The following AMZ1 variants were observed in gnomAD, a reference collection of about 807,000 sequenced individuals.
AMZ1 encodes the protein archaemetzincin-1.
Under a neutral mutation model 29.9 loss-of-function variants are expected in AMZ1, and 39 were observed. That is an observed-to-expected ratio of 1.30 (90% CI 1.01 to 1.70). The LOEUF (loss-of-function observed/expected upper bound fraction) is 1.70. Among genes scored for constraint, AMZ1 ranks in the 40% most tolerant of loss-of-function variants. The pLI, the probability that AMZ1 is intolerant of heterozygous loss-of-function variation, is 0.00. For synonymous variants in AMZ1, 458 were observed against 304.0 expected (o/e 1.51, Z -5.27); for missense variants, 1,041 against 680.6 (o/e 1.53, Z -5.89).
At chr7:2,711,198 C>T (rs1405341835) in intron 6 of AMZ1, among the ~76,000 whole-genome samples, 1 of 152,168 alleles carries the variant, frequency 6.6e-6, no homozygotes, top group Non-Finnish European at 1.5e-5. Context: ...CCAGGGTGGC[C>T]TGGCCCTCCT....
intron 4 of AMZ1, among the ~76,000 whole-genome samples, chr7:2,757,031 G>A (rs1359983550): frequency 2.0e-5 from 3 of 152,032 alleles, no homozygotes; most frequent in Non-Finnish European, 2.9e-5. Flanking sequence ...CCGTGATTGT[G>A]CCAGTGGCAC....
chr7:2,731,622 G>A lies in AMZ1; in HGVS notation n.550+21806G>A. 1 of 1,613,922 alleles carries A rather than the reference G, an allele frequency of 6.2e-7. No homozygotes were observed. Among genetic ancestry groups the A allele is most frequent in the Non-Finnish European group, 8.5e-7 (1 of 1,179,964 alleles). ...CGTCGAAGCACTGGAACCACTTCTGGCGCTGGGACCGCTGGCCGCCCACAT... is the reference window on the plus strand; with the variant it reads ...CGTCGAAGCACTGGAACCACTTCTGACGCTGGGACCGCTGGCCGCCCACAT... On this transcript the variant is annotated intron_variant and non_coding_transcript_variant, in intron 4 of 4. Coordinates refer to the AMZ1 transcript ENST00000489665. The surrounding 1 kb of genome is among the most constrained non-coding windows in gnomAD (Gnocchi z 6.0).
rs535919783 is a variant in AMZ1, at chr7:2,717,719, G to T, written c.*4841G>T. ...ACAGATGCAGATCGCGGGTGGAGAC[G>T]GCCGGCCGAGCCTTCCCTTTTCTGA... is the stretch of plus-strand genomic sequence containing the variant. On this transcript the variant is annotated 3_prime_UTR_variant, in exon 7 of 7. Coordinates refer to ENST00000683327, the MANE Select transcript of AMZ1 (RefSeq NM_001384743.1). Among the ~76,000 whole-genome samples, 1 of 152,266 alleles carries T rather than the reference G, an allele frequency of 6.6e-6. No homozygotes were observed. Among genetic ancestry groups the T allele is most frequent in the African/African-American group, 2.4e-5 (1 of 41,548 alleles).
At chr7:2,736,504 C>G (rs1164055900) in intron 4 of AMZ1, among the ~76,000 whole-genome samples, 2 of 152,168 alleles carry the variant, frequency 1.3e-5, no homozygotes, top group Admixed American at 6.5e-5. Context: ...AGGGATGAAC[C>G]TGAGCAGGGG....
At chr7:2,724,359 G>T (rs940543907), downstream of AMZ1, among the ~76,000 whole-genome samples, 13 of 152,254 alleles carry the variant, frequency 8.5e-5, no homozygotes, top group African/African-American at 2.4e-4. Flanking sequence ...AATAGGTGGG[G>T]TTACGTTCAT....
downstream of AMZ1, among the ~76,000 whole-genome samples, chr7:2,721,764 C>T (rs1014404922): frequency 2.0e-5 from 3 of 151,444 alleles, no homozygotes; most frequent in East Asian, 1.9e-4. Flanking sequence ...CTCAGGGGCC[C>T]CCCACTTCTC....
chr7:2,756,960 GC>G (rs1454714135), intron 4 of AMZ1, among the ~76,000 whole-genome samples: 1 of 152,024 alleles, frequency 6.6e-6, no homozygotes, highest in African/African-American at 2.4e-5. Context: ...TGTAGTTCCA[GC>G]TACTCAGGAG....
Position 2,731,791 on chromosome 7 carries a change from G to T in AMZ1, n.550+21975G>T, listed in dbSNP as rs748851227. On this transcript the variant is annotated intron_variant and non_coding_transcript_variant, in intron 4 of 4. Transcript: ENST00000489665. The surrounding 1 kb of genome is among the most constrained non-coding windows in gnomAD (Gnocchi z 6.0). ...TGAGGCAGAAATTTAGGGGGAGGAA[G>T]AAAGAACAGAGAAAATAGAAACAAA... is the stretch of plus-strand genomic sequence containing the variant. The T allele has an allele frequency of 5.8e-6, 6 of 1,029,358 alleles. No individual in the cohort carries two copies. The highest frequency in any genetic ancestry group is 2.2e-5 in the South Asian group (1 of 45,280). 63.8% of individuals were successfully genotyped at this position (1,029,358 alleles called of 1,614,324 possible).
chr7:2,738,786 A>G (rs979321391), intron 4 of AMZ1, among the ~76,000 whole-genome samples: 60 of 152,342 alleles, frequency 3.9e-4, no homozygotes, highest in Middle Eastern at 6.8e-3. Context: ...TAGGACAATA[A>G]GGTTAGAGGC....
At chr7:2,680,727 G>A (rs1786851958) in intron 1 of AMZ1, among the ~76,000 whole-genome samples, 1 of 152,222 alleles carries the variant, frequency 6.6e-6, no homozygotes, top group African/African-American at 2.4e-5. Context: ...CCACAGAGTT[G>A]GGGCCCCTCA....
At chr7:2,735,308 G>A (rs1790112209) in intron 4 of AMZ1, among the ~76,000 whole-genome samples, 1 of 152,172 alleles carries the variant, frequency 6.6e-6, no homozygotes, top group Non-Finnish European at 1.5e-5. Context: ...AGCCACCCTT[G>A]CCCGTTTCTA....
chr7:2,706,761 C>T (rs1401961910), intron 3 of AMZ1, among the ~76,000 whole-genome samples: 2 of 151,854 alleles, frequency 1.3e-5, no homozygotes, highest in African/African-American at 4.9e-5. Context: ...ATGGCAGGTT[C>T]CGGGGGTTAG....
chr7:2,740,829 G>C (rs1438765742), intron 4 of AMZ1, among the ~76,000 whole-genome samples: 1 of 152,178 alleles, frequency 6.6e-6, no homozygotes, highest in Non-Finnish European at 1.5e-5. Context: ...CGGATCACGA[G>C]GTCGAGAGAT....
intron 4 of AMZ1, among the ~76,000 whole-genome samples, chr7:2,736,570 G>A (rs531442463): frequency 1.5e-4 from 23 of 152,270 alleles, no homozygotes; most frequent in Non-Finnish European, 1.6e-4. Context: ...AGGTTGATAT[G>A]GGGCCTGTGC....
At chr7:2,751,804 C>T (rs1562405683) in intron 4 of AMZ1, among the ~76,000 whole-genome samples, 1 of 152,110 alleles carries the variant, frequency 6.6e-6, no homozygotes, top group South Asian at 2.1e-4. Flanking sequence ...TTTCCCAAAA[C>T]GGATACTGTA....
chr7:2,699,077 T>C (rs916631436), intron 1 of AMZ1, among the ~76,000 whole-genome samples: 1 of 152,132 alleles, frequency 6.6e-6, no homozygotes, highest in Non-Finnish European at 1.5e-5. Context: ...TGCATCCCCC[T>C]TCTGTGGTTT....
At chr7:2,729,018 A>G (rs1562387650) in intron 4 of AMZ1, 1 of 152,412 alleles carries the variant, frequency 6.6e-6, no homozygotes, top group Non-Finnish European at 1.5e-5. Context: ...GAAAGTGACG[A>G]GTAAATATGT....
At chr7:2,747,106 C>T (rs369564823) in intron 4 of AMZ1, among the ~76,000 whole-genome samples, 1 of 151,866 alleles carries the variant, frequency 6.6e-6, no homozygotes, top group Admixed American at 6.6e-5. Context: ...GAGGAGCTGG[C>T]ACCATTCCTT....
rs1458678249 is a variant in AMZ1 at position 2,744,684 on chromosome 7, G to C, written n.551-20028G>C. ...GCTGGATGGACAATGACTTTGACGA[G>C]TTGAGAAAAGAAGGCTTCAGACAAT... is the stretch of plus-strand genomic sequence containing the variant. On this transcript the variant is annotated intron_variant and non_coding_transcript_variant, in intron 4 of 4. Transcript: ENST00000489665. Among the ~76,000 whole-genome samples the C allele has an allele frequency of 3.3e-5, 5 of 152,316 alleles. No individual in the cohort carries two copies. In the East Asian group the frequency reaches 9.6e-4, roughly 29 times the overall value.
Sources: allele counts gnomAD v4.1 joint callset (sites outside exome capture counted in the v4.1 genomes callset), GRCh38; gene constraint gnomAD v4.1.1; non-coding constraint Gnocchi (gnomAD v3.1); transcripts MANE v1.5; gene names NCBI Gene and HGNC (gene_info 2026-07-23, HGNC 2026-07-21).